Variants in KLHL1 observed in about 807,000 individuals in gnomAD.
KLHL1 encodes the protein kelch-like protein 1.
KLHL1 carries 47 observed loss-of-function variants against 77.7 expected under a neutral mutation model. The observed-to-expected ratio is 0.60, with a 90% CI of 0.48 to 0.77. The LOEUF (loss-of-function observed/expected upper bound fraction) is 0.77. Ranked by LOEUF, KLHL1 falls within the 30% of genes least tolerant of loss-of-function variation. The pLI is 0.00. For missense variants in KLHL1, 925 were observed against 910.8 expected (o/e 1.02, Z -0.20); for synonymous variants, 360 against 325.2 (o/e 1.11, Z -1.15).
At chr13:70,011,691 T>C (rs1716493824) in intron 1 of KLHL1, among the ~76,000 whole-genome samples, 1 of 152,200 alleles carries the variant, frequency 6.6e-6, no homozygotes, top group African/African-American at 2.4e-5. Flanking sequence ...AGGTAGGTGA[T>C]GTTGCTACAA....
chr13:69,775,769 C>T (rs186042131), intron 7 of KLHL1, among the ~76,000 whole-genome samples: 72 of 151,978 alleles, frequency 4.7e-4, no homozygotes, highest in African/African-American at 1.6e-3. Context: ...TAGCTCACCA[C>T]AATCTCTGCC....
chr13:69,857,666 ATGTT>A (rs921951008), intron 5 of KLHL1, among the ~76,000 whole-genome samples: 45 of 152,174 alleles, frequency 3.0e-4, no homozygotes, highest in African/African-American at 8.2e-4. Flanking sequence ...CATAAGTTGA[ATGTT>A]TGTTCTCTGA....
chr13:69,940,440 G>A (rs1300399673), intron 3 of KLHL1, among the ~76,000 whole-genome samples: 1 of 152,110 alleles, frequency 6.6e-6, no homozygotes, highest in Non-Finnish European at 1.5e-5. Context: ...AAATCACTCA[G>A]TAGATACAAA....
At chr13:69,828,463 A>G (rs1486293047) in intron 6 of KLHL1, among the ~76,000 whole-genome samples, 1 of 150,238 alleles carries the variant, frequency 6.7e-6, no homozygotes, top group Non-Finnish European at 1.5e-5. Flanking sequence ...GAATTGGGAA[A>G]GGACCACAGG....
chr13:69,889,361 G>A (rs1037373440), intron 4 of KLHL1, among the ~76,000 whole-genome samples: 7 of 151,920 alleles, frequency 4.6e-5, no homozygotes, highest in Admixed American at 1.3e-4. Context: ...TTATTTTACC[G>A]GGGAGAATGC....
intron 1 of KLHL1, among the ~76,000 whole-genome samples, chr13:70,021,708 C>T (rs537273766): frequency 6.6e-6 from 1 of 152,098 alleles, no homozygotes; most frequent in South Asian, 2.1e-4. Context: ...ATAGGTGCCT[C>T]AAGTGAAGCC....
intron 8 of KLHL1, among the ~76,000 whole-genome samples, chr13:69,736,908 G>A (rs9529634): frequency 0.095 from 14,406 of 152,066 alleles, 975 homozygotes; most frequent in Non-Finnish European, 0.13. Flanking sequence ...AGCCAATATG[G>A]GAAATAGAAA....
At chr13:70,027,674 A>C (rs1026457550) in intron 1 of KLHL1, among the ~76,000 whole-genome samples, 9 of 32,674 alleles carry the variant, frequency 2.8e-4, no homozygotes, top group Admixed American at 1.3e-3. Context: ...TTATGAACTG[A>C]ACAAAAACGC....
At chr13:69,872,071 T>C (rs953663047) in intron 5 of KLHL1, among the ~76,000 whole-genome samples, 9 of 152,146 alleles carry the variant, frequency 5.9e-5, no homozygotes, top group Admixed American at 3.3e-4. Context: ...GGCTAGATAA[T>C]TTATAATGAA....
chr13:69,873,238 C>T (rs1880648858), intron 5 of KLHL1, among the ~76,000 whole-genome samples: 1 of 152,080 alleles, frequency 6.6e-6, no homozygotes, highest in Non-Finnish European at 1.5e-5. Flanking sequence ...GGTCTCCTGT[C>T]CTAGTAACAT....
intron 4 of KLHL1, among the ~76,000 whole-genome samples, chr13:69,893,694 A>G (rs896227817): frequency 9.9e-5 from 15 of 152,210 alleles, no homozygotes; most frequent in African/African-American, 3.6e-4. Context: ...GAGCATTAAT[A>G]TATTTTGTAC....
intron 6 of KLHL1, among the ~76,000 whole-genome samples, chr13:69,816,394 G>A (rs371419390): frequency 6.6e-6 from 1 of 151,512 alleles, no homozygotes; most frequent in East Asian, 2.0e-4. Flanking sequence ...CTGAGTAGCT[G>A]AGATTACAGG....
At chr13:69,773,874 T>C (rs1162082293) in intron 7 of KLHL1, among the ~76,000 whole-genome samples, 2 of 151,210 alleles carry the variant, frequency 1.3e-5, no homozygotes, top group African/African-American at 4.9e-5. Context: ...TATATATATA[T>C]ATATATATAC....
intron 1 of KLHL1, among the ~76,000 whole-genome samples, chr13:70,094,213 G>A (rs551668496): frequency 1.9e-4 from 29 of 151,996 alleles, no homozygotes; most frequent in African/African-American, 6.5e-4. Context: ...ACCTGTAGTC[G>A]CAGCTACTCG....
chr13:69,791,407 C>G (rs1415781042), intron 7 of KLHL1, among the ~76,000 whole-genome samples: 5 of 151,736 alleles, frequency 3.3e-5, no homozygotes, highest in African/African-American at 4.8e-5. Context: ...TCCCAGGTAC[C>G]CTTTTGTAGA....
rs41283974 is a variant in KLHL1 at position 69,940,300 on chromosome 13, A to C, written c.818-64T>G. On this transcript the variant is annotated intron_variant, in intron 3 of 10. Transcript: ENST00000377844. ...AACATGAAATAATATGTATCATAAC[A>C]CTACACAAAACATTAGGCCAATCTG... is the stretch of plus-strand genomic sequence containing the variant. 8.7e-3 allele frequency: 10,556 copies of C among 1,219,018 alleles called. 62 individuals are homozygous for C. The highest frequency in any genetic ancestry group is 0.01 in the Non-Finnish European group (9,026 of 888,536). 75.5% of individuals were successfully genotyped at this position (1,219,018 alleles called of 1,614,324 possible). A position where few individuals can be genotyped will look rare whatever the true frequency, so the allele number is the denominator to read the frequency against.
rs755911085 is a variant in KLHL1 at position 69,828,778 on chromosome 13, C to A, written c.1414+10198G>T. 2.1e-4 allele frequency among the ~76,000 whole-genome samples: 31 copies of A among 149,712 alleles called. 2 individuals are homozygous for A. Among genetic ancestry groups the A allele is most frequent in the African/African-American group, 7.8e-4 (31 of 39,832 alleles). ...AGGACCTGGGTGAGGCCTGTCATTG[C>A]CAGCTTTCCACCACTTCCCTGGCAA... On this transcript the variant is annotated intron_variant, in intron 6 of 10. Coordinates refer to ENST00000377844, the MANE Select transcript of KLHL1 (RefSeq NM_020866.3).
chr13:69,818,104 G>A (rs941317042), intron 6 of KLHL1, among the ~76,000 whole-genome samples: 7 of 151,484 alleles, frequency 4.6e-5, no homozygotes, highest in African/African-American at 1.5e-4. Context: ...CTTTTCATCT[G>A]ACAGCCTTAT....
At chr13:70,057,881 T>C (rs1346566628) in intron 1 of KLHL1, among the ~76,000 whole-genome samples, 1 of 151,006 alleles carries the variant, frequency 6.6e-6, no homozygotes, top group Non-Finnish European at 1.5e-5. Context: ...CAATAAATTA[T>C]GAGCAAACCA....
Sources: gnomAD v4.1 joint callset for allele counts (sites outside exome capture counted in the v4.1 genomes callset) on GRCh38, gnomAD v4.1.1 for gene constraint, MANE v1.5 for transcripts, NCBI Gene and HGNC (gene_info 2026-07-23, HGNC 2026-07-21) for gene names.